ADARB2: variants seen among roughly 807,000 people sequenced by gnomAD.
The protein encoded by ADARB2 is inactive double-stranded RNA-specific editase B2.
Under a neutral mutation model 62.2 loss-of-function variants are expected in ADARB2, and 25 were observed. The observed-to-expected ratio is 0.40, with a 90% CI of 0.29 to 0.56. The LOEUF is 0.56. ADARB2 is among the 20% of genes least tolerant of loss of function. The pLI is 0.43. For missense variants in ADARB2, 1,071 were observed against 1,077.4 expected (o/e 0.99, Z 0.08); for synonymous variants, 572 against 500.8 (o/e 1.14, Z -1.90).
At chr10:1,726,454 C>A (rs1588368327) in intron 1 of ADARB2, among the ~76,000 whole-genome samples, 1 of 152,094 alleles carries the variant, frequency 6.6e-6, no homozygotes, top group East Asian at 1.9e-4. Context: ...TATCCGATAT[C>A]CACAGTATTG....
chr10:1,302,676 G>A (rs1387288118), intron 3 of ADARB2, among the ~76,000 whole-genome samples: 1 of 152,260 alleles, frequency 6.6e-6, no homozygotes, highest in African/African-American at 2.4e-5. Context: ...TGCAGCTGGA[G>A]ATCTGAGAAC....
At chr10:1,217,157 A>G (rs202118696) in intron 6 of ADARB2, 38 bp from the exon 7 acceptor site, 3 of 1,515,378 alleles carry the variant, frequency 2.0e-6, no homozygotes, top group Non-Finnish European at 1.8e-6. Flanking sequence ...GAGAAGAGGG[A>G]AGCCGCCTTG....
intron 6 of ADARB2, among the ~76,000 whole-genome samples, chr10:1,220,618 T>C (rs890808771): frequency 1.3e-5 from 2 of 152,194 alleles, no homozygotes; most frequent in Non-Finnish European, 2.9e-5. Flanking sequence ...CTTTACTCTT[T>C]CATTTGGGGG....
At chr10:1,509,240 A>T (rs1564312113) in intron 1 of ADARB2, among the ~76,000 whole-genome samples, 1 of 152,208 alleles carries the variant, frequency 6.6e-6, no homozygotes. Flanking sequence ...ACGTTCCATC[A>T]GGGGGTCACT....
chr10:1,344,725 T>C (rs1239796054), intron 3 of ADARB2, among the ~76,000 whole-genome samples: 3 of 152,164 alleles, frequency 2.0e-5, no homozygotes, highest in Admixed American at 2.0e-4. Flanking sequence ...CTGTGACTTC[T>C]GGGACGGGCA....
At chr10:1,299,883 G>A (rs1831557683) in intron 3 of ADARB2, among the ~76,000 whole-genome samples, 1 of 152,212 alleles carries the variant, frequency 6.6e-6, no homozygotes, top group Non-Finnish European at 1.5e-5. Context: ...GTGTCTCCAA[G>A]TGAATAAAGT....
At chr10:1,278,700 C>G (rs553459782) in intron 3 of ADARB2, among the ~76,000 whole-genome samples, 10 of 152,104 alleles carry the variant, frequency 6.6e-5, no homozygotes, top group Admixed American at 2.6e-4. Context: ...GTTTCCTATT[C>G]CCCTGTTTGG....
At chr10:1,455,494 A>T (rs1334138699) in intron 1 of ADARB2, among the ~76,000 whole-genome samples, 1 of 152,210 alleles carries the variant, frequency 6.6e-6, no homozygotes, top group Non-Finnish European at 1.5e-5. Context: ...GATTAAAAAG[A>T]TTAAAAAGAA....
At chr10:1,631,011 A>T (rs1350951871) in intron 1 of ADARB2, among the ~76,000 whole-genome samples, 1 of 152,180 alleles carries the variant, frequency 6.6e-6, no homozygotes, top group East Asian at 1.9e-4. Flanking sequence ...GAAAGAAAGA[A>T]AAAAAGAAAA....
At chr10:1,341,596 C>T (rs929499646) in intron 3 of ADARB2, among the ~76,000 whole-genome samples, 13 of 148,096 alleles carry the variant, frequency 8.8e-5, no homozygotes, top group Non-Finnish European at 1.0e-4. Context: ...CAGAGAACCA[C>T]GCGCCCCACA....
intron 1 of ADARB2, among the ~76,000 whole-genome samples, chr10:1,684,802 A>G (rs1231667039): frequency 6.6e-6 from 1 of 152,238 alleles, no homozygotes; most frequent in Non-Finnish European, 1.5e-5. Flanking sequence ...TGCTTCATAA[A>G]TGGGCAGCAG....
intron 1 of ADARB2, among the ~76,000 whole-genome samples, chr10:1,510,348 T>C (rs1437820858): frequency 6.6e-6 from 1 of 151,856 alleles, no homozygotes; most frequent in Non-Finnish European, 1.5e-5. Context: ...ATTCAGCAAA[T>C]TTTTTGACAT....
intron 1 of ADARB2, among the ~76,000 whole-genome samples, chr10:1,634,424 C>T (rs982459102): frequency 2.0e-5 from 3 of 152,164 alleles, no homozygotes; most frequent in South Asian, 2.1e-4. Context: ...TCCTTGGAAA[C>T]GTGGACCCCC....
chr10:1,583,195 T>A (rs375391304), intron 1 of ADARB2, among the ~76,000 whole-genome samples: 3 of 56,212 alleles, frequency 5.3e-5, no homozygotes, highest in African/African-American at 1.9e-4. Flanking sequence ...CAATATGCAG[T>A]GTTCAAAATT....
intron 6 of ADARB2, among the ~76,000 whole-genome samples, chr10:1,224,163 G>A (rs1196072654): frequency 1.3e-5 from 2 of 152,194 alleles, no homozygotes; most frequent in African/African-American, 4.8e-5. Flanking sequence ...GAGGATGTAT[G>A]TGTCGAGGAA....
At chr10:1,498,963 C>G (rs1175306349) in intron 1 of ADARB2, among the ~76,000 whole-genome samples, 1 of 151,392 alleles carries the variant, frequency 6.6e-6, no homozygotes, top group South Asian at 2.1e-4. Flanking sequence ...TATTACTCAT[C>G]ATTCAGTGTT....
intron 1 of ADARB2, among the ~76,000 whole-genome samples, chr10:1,565,841 T>A (rs1260772053): frequency 7.2e-5 from 11 of 151,976 alleles, no homozygotes; most frequent in Non-Finnish European, 1.5e-4. Context: ...GGAGGTTCGG[T>A]GTGTTCACGC....
At chr10:1,364,017 C>T in intron 2 of ADARB2, 100 bp from the exon 3 acceptor site, 2 of 1,369,916 alleles carry the variant, frequency 1.5e-6, no homozygotes, top group Non-Finnish European at 1.9e-6. Context: ...GCGACCTCGC[C>T]GCCCGCGCCC....
At chr10:1,333,616 T>C (rs989691654) in intron 3 of ADARB2, among the ~76,000 whole-genome samples, 3 of 152,150 alleles carry the variant, frequency 2.0e-5, no homozygotes, top group African/African-American at 7.2e-5. Context: ...TGTGTATGTG[T>C]AACAGAAAAT....
Sources: gnomAD v4.1 joint callset for allele counts (sites outside exome capture counted in the v4.1 genomes callset) on GRCh38, gnomAD v4.1.1 for gene constraint, MANE v1.5 for transcripts, NCBI Gene and HGNC (gene_info 2026-07-23, HGNC 2026-07-21) for gene names.